Variants in RBFOX1 observed in about 807,000 individuals in gnomAD.
RBFOX1 encodes the protein RNA binding protein fox-1 homolog 1.
Under a neutral mutation model 57.7 loss-of-function variants are expected in RBFOX1, and 8 were observed. That is an observed-to-expected ratio of 0.14 (90% confidence interval 0.08 to 0.25). The LOEUF is 0.25. RBFOX1 is among the 10% of genes least tolerant of loss of function. The probability of loss-of-function intolerance (pLI) is 1.00; values close to 1 mark genes in which losing one functional copy is unlikely to be tolerated. For missense variants in RBFOX1, 611 were observed against 548.5 expected, an observed-to-expected ratio of 1.11 and a Z score of -1.14; for synonymous variants, 326 against 222.4, an observed-to-expected ratio of 1.47 and a Z score of -4.15.
chr16:5,748,372 C>A (rs1270989144), intron 3 of RBFOX1, among the ~76,000 whole-genome samples: 3 of 152,144 alleles, frequency 2.0e-5, no homozygotes, highest in African/African-American at 7.2e-5. Flanking sequence ...GTGGAGAGTT[C>A]TGTAGATGTC....
rs189359090 is a variant in RBFOX1, at chr16:5,507,404, C to T, written c.258+40150C>T. ...CCAGTTTCTCCATCAGTGGGTGGCACACATAGGTGTTCAGAAAACATGTGG... is the reference window on the plus strand; with the variant it reads ...CCAGTTTCTCCATCAGTGGGTGGCATACATAGGTGTTCAGAAAACATGTGG... On this transcript the variant is annotated intron_variant, in intron 2 of 2. Transcript: ENST00000585867. 6.6e-5 allele frequency among the ~76,000 whole-genome samples: 10 copies of T among 152,194 alleles called. No homozygotes were observed. In the East Asian group the frequency reaches 1.9e-3, roughly 30 times the overall value.
At chr16:6,026,075 A>C (rs760618936) in intron 1 of RBFOX1, among the ~76,000 whole-genome samples, 2 of 152,006 alleles carry the variant, frequency 1.3e-5, no homozygotes, top group African/African-American at 4.8e-5. Flanking sequence ...TCAGGTTACA[A>C]CTCAAAAGCC....
intron 3 of RBFOX1, among the ~76,000 whole-genome samples, chr16:6,776,469 A>G (rs2079375188): frequency 6.6e-6 from 1 of 152,162 alleles, no homozygotes; most frequent in Admixed American, 6.5e-5. Context: ...AGGAGAAGCA[A>G]CACAGTGCAA....
At chr16:6,831,723 G>C (rs1368682088) in intron 3 of RBFOX1, among the ~76,000 whole-genome samples, 1 of 152,088 alleles carries the variant, frequency 6.6e-6, no homozygotes, top group African/African-American at 2.4e-5. Context: ...TCCATCTCTT[G>C]GGTTTGAGAA....
At chr16:5,816,649 TGG>T (rs1478889132) in intron 3 of RBFOX1, among the ~76,000 whole-genome samples, 1 of 152,122 alleles carries the variant, frequency 6.6e-6, no homozygotes, top group Non-Finnish European at 1.5e-5. Context: ...CCAGATGTCA[TGG>T]ATTGTGCCTA....
intron 1 of RBFOX1, among the ~76,000 whole-genome samples, chr16:6,093,437 A>T (rs1028530439): frequency 3.9e-5 from 6 of 152,106 alleles, no homozygotes; most frequent in African/African-American, 1.4e-4. Context: ...ATCATAGTAT[A>T]TAATCATGCT....
chr16:7,179,633 TA>T (rs2082310594), intron 4 of RBFOX1, among the ~76,000 whole-genome samples: 1 of 152,126 alleles, frequency 6.6e-6, no homozygotes, highest in Non-Finnish European at 1.5e-5. Context: ...GCTGACCACA[TA>T]GGGGGAGATT....
intron 3 of RBFOX1, among the ~76,000 whole-genome samples, chr16:6,749,850 A>G (rs2074565588): frequency 6.6e-6 from 1 of 152,218 alleles, no homozygotes; most frequent in African/African-American, 2.4e-5. Context: ...TTCCCTTGAA[A>G]TAATAGTCAG....
chr16:6,332,394 C>T (rs1237094187), intron 2 of RBFOX1, among the ~76,000 whole-genome samples: 5 of 152,082 alleles, frequency 3.3e-5, no homozygotes, highest in African/African-American at 9.7e-5. Flanking sequence ...GTCAAAATTT[C>T]AGAACATATG....
chr16:6,987,000 G>T (rs1227985189), intron 3 of RBFOX1, among the ~76,000 whole-genome samples: 1 of 152,056 alleles, frequency 6.6e-6, no homozygotes. Flanking sequence ...AGGGTTTGTT[G>T]GTTAGTCCAT....
At chr16:6,185,112 T>G (rs908871798) in intron 1 of RBFOX1, among the ~76,000 whole-genome samples, 5 of 152,160 alleles carry the variant, frequency 3.3e-5, no homozygotes, top group African/African-American at 1.2e-4. Context: ...AGGACTTTCC[T>G]TCTTATGGAT....
At chr16:6,996,825 A>C (rs1013967381) in intron 3 of RBFOX1, among the ~76,000 whole-genome samples, 1 of 152,076 alleles carries the variant, frequency 6.6e-6, no homozygotes, top group African/African-American at 2.4e-5. Flanking sequence ...GTTGATTTCC[A>C]TCATTGCTAG....
intron 4 of RBFOX1, among the ~76,000 whole-genome samples, chr16:7,400,132 G>A (rs4238881): frequency 0.79 from 119,731 of 152,002 alleles, 47,300 homozygotes; most frequent in Admixed American, 0.82. Context: ...ATCCTAATCC[G>A]GAATTTTCTG....
intron 4 of RBFOX1, among the ~76,000 whole-genome samples, chr16:7,194,447 G>A (rs563154816): frequency 2.6e-5 from 4 of 152,308 alleles, no homozygotes; most frequent in African/African-American, 9.6e-5. Flanking sequence ...TGACCGTCTA[G>A]TGACTTTGGC....
intron 2 of RBFOX1, among the ~76,000 whole-genome samples, chr16:6,405,894 C>G (rs1596700532): frequency 6.6e-6 from 1 of 152,190 alleles, no homozygotes; most frequent in Non-Finnish European, 1.5e-5. Context: ...GGTTTAACCT[C>G]CTTTCCACAG....
At chr16:7,594,725 G>A (rs886919836) in intron 7 of RBFOX1, among the ~76,000 whole-genome samples, 1 of 152,152 alleles carries the variant, frequency 6.6e-6, no homozygotes, top group African/African-American at 2.4e-5. Context: ...CTGTTGATAT[G>A]AAAAATAAAT....
At chr16:6,801,328 A>G (rs1002441645) in intron 3 of RBFOX1, among the ~76,000 whole-genome samples, 28 of 152,178 alleles carry the variant, frequency 1.8e-4, no homozygotes, top group Non-Finnish European at 4.1e-4. Flanking sequence ...AGAGAACCAT[A>G]CAAGGCTCTT....
rs550684092 is a variant in RBFOX1, at chr16:6,080,793, C to T, written c.-127+60801C>T. On this transcript the variant is annotated intron_variant, in intron 1 of 15. Transcript: ENST00000550418. ...GGGTTCGAAACAGACTTTTGGTAAC[C>T]GGCCAATTCCACAGGCTGGTGCCAC... is the stretch of plus-strand genomic sequence containing the variant. Among the ~76,000 whole-genome samples, 20 of 152,238 alleles carry T rather than the reference C, an allele frequency of 1.3e-4. No homozygotes were observed. In the East Asian group the frequency reaches 2.1e-3, roughly 16 times the overall value.
chr16:6,649,084 A>T (rs774577272), intron 2 of RBFOX1, among the ~76,000 whole-genome samples: 42 of 152,202 alleles, frequency 2.8e-4, no homozygotes, highest in Non-Finnish European at 5.7e-4. Context: ...TTATGTCTTT[A>T]GGCCCAGATC....
Sources: allele counts gnomAD v4.1 joint callset (sites outside exome capture counted in the v4.1 genomes callset), GRCh38; gene constraint gnomAD v4.1.1; transcripts MANE v1.5; gene names NCBI Gene and HGNC (gene_info 2026-07-23, HGNC 2026-07-21).